The following PALD1 variants were observed in gnomAD, a reference collection of about 807,000 sequenced individuals.
The protein encoded by PALD1 is paladin.
Under a neutral mutation model 96.0 loss-of-function variants are expected in PALD1, and 57 were observed. That is an observed-to-expected ratio of 0.59 (90% CI 0.48 to 0.74). The LOEUF is 0.74. Among genes scored for constraint, PALD1 ranks in the 30% least tolerant of loss-of-function variants. The pLI is 0.00. For missense variants in PALD1, 1,063 were observed against 1,143.7 expected, an observed-to-expected ratio of 0.93 and a Z score of 1.02; for synonymous variants, 464 against 473.6, an observed-to-expected ratio of 0.98 and a Z score of 0.26.
intron 1 of PALD1, among the ~76,000 whole-genome samples, chr10:70,507,561 G>A (rs897160586): frequency 2.6e-5 from 4 of 152,286 alleles, no homozygotes; most frequent in Non-Finnish European, 4.4e-5. Context: ...AGCTGGGACC[G>A]AAGGTGTGCA....
chr10:70,563,728 C>T (rs1589223129), intron 18 of PALD1, among the ~76,000 whole-genome samples: 1 of 152,178 alleles, frequency 6.6e-6, no homozygotes, highest in African/African-American at 2.4e-5. Flanking sequence ...GGGGTTTCTC[C>T]CCTTCAAGGC....
At chr10:70,553,644 G>A (rs1452689141) in intron 18 of PALD1, among the ~76,000 whole-genome samples, 6 of 152,208 alleles carry the variant, frequency 3.9e-5, no homozygotes, top group African/African-American at 1.4e-4. Flanking sequence ...ATTTGAGGAG[G>A]GAGGCACTGA....
rs1430772686 is a variant in PALD1, at chr10:70,567,339, C to G, written c.*606C>G. The G allele has an allele frequency of 6.5e-6, 1 of 152,864 alleles. No homozygotes were observed. The highest frequency in any genetic ancestry group is 1.5e-5 in the Non-Finnish European group (1 of 68,224). The allele number at this position is 152,864 out of a possible 1,614,324, so 9.5% of individuals were successfully genotyped here. A position where few individuals can be genotyped will look rare whatever the true frequency, so the allele number is the denominator to read the frequency against. ...CCCCCATCTCCGACCTGGGAGACTT[C>G]AGGAATGACAACCTACCCAGCCTGG... is the stretch of plus-strand genomic sequence containing the variant. On this transcript the variant is annotated 3_prime_UTR_variant, in exon 20 of 20. Coordinates refer to ENST00000263563, the MANE Select transcript of PALD1 (RefSeq NM_014431.3).
chr10:70,546,374 A>G (rs1358591739), intron 17 of PALD1, among the ~76,000 whole-genome samples: 1 of 152,238 alleles, frequency 6.6e-6, no homozygotes, highest in African/African-American at 2.4e-5. Flanking sequence ...CGTGCATTTA[A>G]TATGTCTTGA....
At chr10:70,555,728 G>A (rs537287603) in intron 18 of PALD1, among the ~76,000 whole-genome samples, 65 of 152,316 alleles carry the variant, frequency 4.3e-4, no homozygotes, top group East Asian at 2.3e-3. Context: ...TTGGCCGGGC[G>A]CAGTGGCTCC....
At chr10:70,542,934 A>G (rs1414082832) in intron 17 of PALD1, among the ~76,000 whole-genome samples, 2 of 151,270 alleles carry the variant, frequency 1.3e-5, no homozygotes, top group Non-Finnish European at 2.9e-5. Flanking sequence ...CCAACACTTG[A>G]TTTCTTTTTT....
At chr10:70,550,633 T>C (rs77285106) in intron 18 of PALD1, among the ~76,000 whole-genome samples, 29,886 of 152,148 alleles carry the variant, frequency 0.2, 3,643 homozygotes, top group Non-Finnish European at 0.24. Flanking sequence ...TAGCAATCGC[T>C]TCCCCTCCCC....
rs1486741519 is a variant in PALD1, at chr10:70,531,274, C to T, written c.469-16C>T. 2.5e-6 allele frequency: 4 copies of T among 1,605,702 alleles called. No homozygotes were observed. The highest frequency in any genetic ancestry group is 1.3e-5 in the African/African-American group (1 of 74,768). On this transcript the variant is annotated splice_polypyrimidine_tract_variant and intron_variant, in intron 4 of 19. Coordinates refer to ENST00000263563, the MANE Select transcript of PALD1 (RefSeq NM_014431.3). Reference sequence around the variant, plus strand: ...GATCATGATGATGGCTTCCTTCCCCCTCGGGCTCCTGGCAGGAGTGTGTCA... The same window carrying T: ...GATCATGATGATGGCTTCCTTCCCCTTCGGGCTCCTGGCAGGAGTGTGTCA...
At chr10:70,562,849 C>T (rs555917969) in intron 18 of PALD1, among the ~76,000 whole-genome samples, 5 of 152,236 alleles carry the variant, frequency 3.3e-5, no homozygotes, top group South Asian at 2.1e-4. Context: ...CTGTGCATGT[C>T]CTGGGCCTTA....
chr10:70,525,175 ATTTT>A (rs35568945), intron 1 of PALD1, among the ~76,000 whole-genome samples: 1 of 137,142 alleles, frequency 7.3e-6, no homozygotes, highest in Non-Finnish European at 1.6e-5. Context: ...CTAATTTTGT[ATTTT>A]TTTTTTTTTT....
chr10:70,513,533 T>A (rs1846560042), intron 1 of PALD1, among the ~76,000 whole-genome samples: 1 of 151,676 alleles, frequency 6.6e-6, no homozygotes, highest in Non-Finnish European at 1.5e-5. Context: ...AAAGGAAGAG[T>A]GCAGTAAGTA....
chr10:70,539,257 C>T lies in PALD1; in HGVS notation c.1725+10C>T, dbSNP rs1847186092. ...TCCTGACCAGCTGGAGGTGAGGCCC[C>T]CTGCCCTCTAGGCACCCCTGCCTCC... On this transcript the variant is annotated intron_variant, in intron 14 of 19. Coordinates refer to ENST00000263563, the MANE Select transcript of PALD1 (RefSeq NM_014431.3). This position sits in a 1 kb window ranked among gnomAD's most constrained non-coding sequence, Gnocchi z 4.5. The T allele has an allele frequency of 6.2e-7, 1 of 1,601,926 alleles. No individual in the cohort carries two copies. The highest frequency in any genetic ancestry group is 8.5e-7 in the Non-Finnish European group (1 of 1,175,240).
intron 2 of PALD1, among the ~76,000 whole-genome samples, chr10:70,528,324 A>G (rs538369506): frequency 1.3e-5 from 2 of 152,326 alleles, no homozygotes; most frequent in African/African-American, 4.8e-5. Context: ...CTTGATTTTT[A>G]TCTGTGGGTT....
chr10:70,506,525 T>C (rs1846394977), intron 1 of PALD1, among the ~76,000 whole-genome samples: 1 of 152,190 alleles, frequency 6.6e-6, no homozygotes, highest in Admixed American at 6.5e-5. Flanking sequence ...CAGTACATGT[T>C]ACCTGCTGCC....
intron 1 of PALD1, among the ~76,000 whole-genome samples, chr10:70,503,459 A>C (rs1331851674): frequency 6.6e-6 from 1 of 152,056 alleles, no homozygotes; most frequent in Non-Finnish European, 1.5e-5. Context: ...AACATGGCAA[A>C]ACCCCGTCTC....
chr10:70,464,762 A>T, the PALD1 span, among the ~76,000 whole-genome samples: 1 of 148,792 alleles, frequency 6.7e-6, no homozygotes, highest in Admixed American at 6.8e-5. Context: ...AGCAGCTGGT[A>T]TTACAGGCAC....
chr10:70,535,157 T>A (rs1436341698), intron 10 of PALD1, among the ~76,000 whole-genome samples: 1 of 152,202 alleles, frequency 6.6e-6, no homozygotes, highest in Non-Finnish European at 1.5e-5. Context: ...GGCCTCCCAC[T>A]AGTAAAACTC....
chr10:70,515,727 G>A (rs1038154709), intron 1 of PALD1, among the ~76,000 whole-genome samples: 12 of 152,192 alleles, frequency 7.9e-5, no homozygotes, highest in Admixed American at 4.6e-4. Flanking sequence ...GGGAGGTACC[G>A]GTGGTCCTCA....
intron 18 of PALD1, among the ~76,000 whole-genome samples, chr10:70,562,023 G>A (rs1292498892): frequency 6.6e-6 from 1 of 152,260 alleles, no homozygotes; most frequent in East Asian, 1.9e-4. Context: ...GCACGGTGTA[G>A]TGGTCCCTCC....
Sources: allele counts gnomAD v4.1 joint callset (sites outside exome capture counted in the v4.1 genomes callset), GRCh38; gene constraint gnomAD v4.1.1; non-coding constraint Gnocchi (gnomAD v3.1); transcripts MANE v1.5; gene names NCBI Gene and HGNC (gene_info 2026-07-23, HGNC 2026-07-21).